The following DPYD variants were observed in gnomAD, a reference collection of about 807,000 sequenced individuals.
The protein encoded by DPYD is dihydropyrimidine dehydrogenase [NADP(+)].
A neutral mutation model predicts 116.2 loss-of-function variants in DPYD; 109 were observed. The observed-to-expected ratio is 0.94, with a 90% confidence interval of 0.80 to 1.10. The LOEUF is 1.10. Among genes scored for constraint, DPYD ranks in the 50% least tolerant of loss-of-function variants. The pLI is 0.00. For synonymous variants in DPYD, 440 were observed against 432.0 expected (o/e 1.02, Z -0.23); for missense variants, 1,302 against 1,254.5 (o/e 1.04, Z -0.57).
intron 4 of DPYD, among the ~76,000 whole-genome samples, chr1:97,732,192 A>ATTAAAAGTAAAAATGAGCCGGGAGC (rs1663657182): frequency 6.6e-6 from 1 of 152,130 alleles, no homozygotes; most frequent in Admixed American, 6.6e-5. Flanking sequence ...ATCAGCTGTG[A>ATTAAAAGTAAAAATGAGCCGGGAGC]TTAAAAGTAA....
intron 13 of DPYD, among the ~76,000 whole-genome samples, chr1:97,503,059 A>G (rs2786782): frequency 0.62 from 94,189 of 151,808 alleles, 29,380 homozygotes; most frequent in East Asian, 0.75. Flanking sequence ...ATGATTCACT[A>G]TGAAAACCAT....
chr1:97,285,315 C>T (rs1449473369), intron 18 of DPYD, among the ~76,000 whole-genome samples: 1 of 152,176 alleles, frequency 6.6e-6, no homozygotes, highest in African/African-American at 2.4e-5. Flanking sequence ...AGGCTTCCTT[C>T]ACTGTAGGTT....
rs533680929 is a variant in DPYD, at chr1:97,918,580, T to A, written c.39+2304A>T. 3.3e-5 allele frequency among the ~76,000 whole-genome samples: 5 copies of A among 152,294 alleles called. No individual in the cohort carries two copies. In the East Asian group the frequency reaches 9.7e-4, roughly 29 times the overall value. ...CATGTTCCTAACCGTCAAATCCTGA[T>A]GTGATATTGGATTCAGACTAGAAAT... is the stretch of plus-strand genomic sequence containing the variant. On this transcript the variant is annotated intron_variant, in intron 1 of 22. Coordinates refer to ENST00000370192, the MANE Select transcript of DPYD (RefSeq NM_000110.4).
At chr1:97,283,173 C>T (rs532403700) in intron 18 of DPYD, among the ~76,000 whole-genome samples, 11 of 152,104 alleles carry the variant, frequency 7.2e-5, no homozygotes, top group African/African-American at 2.6e-4. Context: ...AAAGTTAATA[C>T]TTAGACTTTT....
At chr1:97,613,222 T>C (rs1306141093) in intron 8 of DPYD, among the ~76,000 whole-genome samples, 1 of 152,022 alleles carries the variant, frequency 6.6e-6, no homozygotes, top group East Asian at 1.9e-4. Flanking sequence ...CATATACTAA[T>C]TGAATGTAAA....
intron 14 of DPYD, among the ~76,000 whole-genome samples, chr1:97,389,051 T>A (rs1672520099): frequency 6.6e-6 from 1 of 152,076 alleles, no homozygotes; most frequent in Non-Finnish European, 1.5e-5. Context: ...GGTGTCTACA[T>A]TTTCTTTATG....
chr1:97,079,333 C>G (rs1648997746), intron 22 of DPYD, among the ~76,000 whole-genome samples, 187 bp from the exon 23 acceptor site: 1 of 152,100 alleles, frequency 6.6e-6, no homozygotes, highest in South Asian at 2.1e-4. Flanking sequence ...GAAAAGAAAT[C>G]CTTTTAAATT....
chr1:97,581,964 A>G (rs1048322382), intron 10 of DPYD, among the ~76,000 whole-genome samples: 11 of 152,172 alleles, frequency 7.2e-5, no homozygotes, highest in Non-Finnish European at 1.2e-4. Context: ...AGCTCTATGT[A>G]ATATGTAAAC....
intron 20 of DPYD, among the ~76,000 whole-genome samples, chr1:97,138,100 G>C (rs192035231): frequency 6.6e-6 from 1 of 152,232 alleles, no homozygotes; most frequent in Non-Finnish European, 1.5e-5. Flanking sequence ...AAGGATGTTA[G>C]CTAGGTAAGA....
chr1:97,831,271 C>G (rs955005244), intron 2 of DPYD, among the ~76,000 whole-genome samples: 1 of 152,178 alleles, frequency 6.6e-6, no homozygotes, highest in Admixed American at 6.5e-5. Flanking sequence ...TTTATCTGCT[C>G]AAACTTCTCA....
At chr1:97,345,830 C>T (rs547733061) in intron 16 of DPYD, among the ~76,000 whole-genome samples, 1 of 152,000 alleles carries the variant, frequency 6.6e-6, no homozygotes, top group South Asian at 2.1e-4. Flanking sequence ...TGCTCTTAAT[C>T]ACTATGAAAC....
chr1:97,227,958 A>G (rs1375551534), intron 19 of DPYD, among the ~76,000 whole-genome samples: 1 of 152,008 alleles, frequency 6.6e-6, no homozygotes, highest in Admixed American at 6.5e-5. Flanking sequence ...TTTTTCTTCA[A>G]TAAAAATTTT....
At chr1:97,487,184 A>G (rs563380507) in intron 13 of DPYD, among the ~76,000 whole-genome samples, 1 of 152,164 alleles carries the variant, frequency 6.6e-6, no homozygotes, top group Non-Finnish European at 1.5e-5. Context: ...ATATCCACAC[A>G]ATGGAGAATT....
chr1:97,358,028 G>A (rs1670511525), intron 16 of DPYD, among the ~76,000 whole-genome samples: 1 of 152,164 alleles, frequency 6.6e-6, no homozygotes, highest in Non-Finnish European at 1.5e-5. Flanking sequence ...CAAGTGGTTG[G>A]GGGATTTCCC....
intron 12 of DPYD, among the ~76,000 whole-genome samples, chr1:97,539,661 A>C (rs1650281930): frequency 6.6e-6 from 1 of 152,182 alleles, no homozygotes; most frequent in African/African-American, 2.4e-5. Context: ...AATAACTCTA[A>C]TGATGTAACA....
chr1:97,710,291 A>G (rs1161012550), intron 5 of DPYD, among the ~76,000 whole-genome samples: 1 of 151,870 alleles, frequency 6.6e-6, no homozygotes, highest in Non-Finnish European at 1.5e-5. Flanking sequence ...CATACCTTCT[A>G]GGAGATGCTT....
At chr1:97,759,389 T>C (rs931072251) in intron 3 of DPYD, among the ~76,000 whole-genome samples, 1 of 152,164 alleles carries the variant, frequency 6.6e-6, no homozygotes, top group East Asian at 1.9e-4. Flanking sequence ...CCATTTAGCT[T>C]TTAATATTAT....
intron 12 of DPYD, among the ~76,000 whole-genome samples, chr1:97,538,955 C>T (rs183865044): frequency 1.3e-5 from 2 of 151,994 alleles, no homozygotes; most frequent in East Asian, 1.9e-4. Flanking sequence ...AACACCTTAA[C>T]GTGGACACTT....
At chr1:97,628,621 C>T (rs1657074989) in intron 8 of DPYD, among the ~76,000 whole-genome samples, 1 of 151,596 alleles carries the variant, frequency 6.6e-6, no homozygotes, top group Non-Finnish European at 1.5e-5. Flanking sequence ...AGTAATATTA[C>T]CTCTTAATTT....
Sources: allele counts gnomAD v4.1 joint callset (sites outside exome capture counted in the v4.1 genomes callset), GRCh38; gene constraint gnomAD v4.1.1; transcripts MANE v1.5; gene names NCBI Gene and HGNC (gene_info 2026-07-23, HGNC 2026-07-21).